PLXNA1: variants seen among roughly 807,000 people sequenced by gnomAD.
PLXNA1 encodes the protein plexin-A1.
PLXNA1 carries 77 observed loss-of-function variants against 191.7 expected under a neutral mutation model. The ratio of observed to expected loss-of-function variants is 0.40; its 90% CI spans 0.33 to 0.49. The LOEUF is 0.49. Among genes scored for constraint, PLXNA1 ranks in the 20% least tolerant of loss-of-function variants. The pLI, the probability that PLXNA1 is intolerant of heterozygous loss-of-function variation, is 0.63. For missense variants in PLXNA1, 2,110 were observed against 2,660.2 expected (o/e 0.79, Z 4.55); for synonymous variants, 1,137 against 1,156.4 (o/e 0.98, Z 0.34).
In PLXNA1 at chr3:127,014,508, G is replaced by T; in HGVS notation, c.2635G>T (p.Gly879Cys). Reference protein sequence around the residue: ...LSPETGPRQGGTRLTITGENL... With the variant: ...LSPETGPRQGCTRLTITGENL... The stretch of plus-strand genomic sequence containing the variant: ...CCCCGAGACGGGCCCGAGGCAGGGC[G>T]GCACGCGGCTCACTATCACAGGCGA... Residue 879 changes from glycine (G) to cysteine (C), a missense_variant, in exon 13 of 32, where the codon GGC becomes TGC. This residue lies in a region of PLXNA1 where 644 missense variants were observed against 714.3 expected (regional missense o/e 0.90). Coordinates refer to ENST00000393409, the MANE Select transcript of PLXNA1 (RefSeq NM_032242.4). 1 of 1,606,778 alleles carries T rather than the reference G, an allele frequency of 6.2e-7. No individual in the cohort carries two copies.
At chr3:126,986,167 A>G (rs777824872) in intron 1 of PLXNA1, among the ~76,000 whole-genome samples, 29 of 152,200 alleles carry the variant, frequency 1.9e-4, no homozygotes, top group Non-Finnish European at 3.5e-4. Flanking sequence ...GCCTGCTTTG[A>G]ACTGATAAAC....
intron 29 of PLXNA1, among the ~76,000 whole-genome samples, chr3:127,031,472 G>A (rs532178189): frequency 6.6e-6 from 1 of 152,206 alleles, no homozygotes; most frequent in East Asian, 1.9e-4. Context: ...CCTCCTCACC[G>A]TGCATCCTGC....
chr3:126,987,538 C>T (rs189919770), intron 1 of PLXNA1, among the ~76,000 whole-genome samples: 3 of 151,766 alleles, frequency 2.0e-5, no homozygotes, highest in South Asian at 2.1e-4. Context: ...AGTGAGGGCC[C>T]GATGTGGAGC....
chr3:126,983,694 G>C (rs1028346429), intron 1 of PLXNA1, among the ~76,000 whole-genome samples: 91 of 151,462 alleles, frequency 6.0e-4, no homozygotes, highest in African/African-American at 2.1e-3. Flanking sequence ...CGGAGGCTGG[G>C]GAGAAAGTTT....
chr3:127,014,379 G>A lies in PLXNA1; in HGVS notation c.2604+4G>A. 1 of 1,586,644 alleles carries A rather than the reference G, an allele frequency of 6.3e-7. No individual in the cohort carries two copies. Among genetic ancestry groups the A allele is most frequent in the East Asian group, 2.3e-5 (1 of 44,210 alleles). ...CACCGACCCCAAGATCCTCAAGGTA[G>A]GGCCCCCAGCCCTGCCCCCACACCC... is the stretch of plus-strand genomic sequence containing the variant. On this transcript the variant is annotated splice_donor_region_variant and intron_variant, in intron 12 of 31. Coordinates refer to ENST00000393409, the MANE Select transcript of PLXNA1 (RefSeq NM_032242.4).
intron 3 of PLXNA1, among the ~76,000 whole-genome samples, chr3:126,999,429 C>T (rs1312152531): frequency 6.6e-6 from 1 of 152,198 alleles, no homozygotes; most frequent in Non-Finnish European, 1.5e-5. Flanking sequence ...GGGCCAGGCC[C>T]CTGGCTGCCA....
At chr3:126,999,908 T>C (rs2079031648) in intron 3 of PLXNA1, among the ~76,000 whole-genome samples, 1 of 151,988 alleles carries the variant, frequency 6.6e-6, no homozygotes, top group Non-Finnish European at 1.5e-5. Flanking sequence ...CGGTCTCGGC[T>C]CCGAGCCCAG....
At position 126,991,586 on chromosome 3, in the gene PLXNA1, G is replaced by GGGTGA. The variant is rs754793932; in HGVS notation, c.1377+23_1377+27dup. 2 of 1,541,950 alleles carry GGGTGA rather than the reference G, an allele frequency of 1.3e-6. No homozygotes were observed. Among genetic ancestry groups the GGGTGA allele is most frequent in the Non-Finnish European group, 1.8e-6 (2 of 1,139,760 alleles). ...CGCAAGGTCAGGCCTGGGTGGGGTG[G>GGGTGA]GGTGAGGAGGGGGCTTGGGGCAGGA... On this transcript the variant is annotated intron_variant, in intron 3 of 31. Coordinates refer to ENST00000393409, the MANE Select transcript of PLXNA1 (RefSeq NM_032242.4).
At chr3:127,023,863 G>A (rs1390672505) in intron 23 of PLXNA1, among the ~76,000 whole-genome samples, 1 of 152,140 alleles carries the variant, frequency 6.6e-6, no homozygotes, top group East Asian at 1.9e-4. Flanking sequence ...AGGGAAGAGA[G>A]TCCCAGGCAG....
In PLXNA1 at chr3:127,015,212, C is replaced by T. The variant is rs772912368; in HGVS notation, c.2906C>T (p.Ser969Phe). The stretch of plus-strand genomic sequence containing the variant: ...CCAACCTTCTACCGTGTGAGCCCCT[C>T]CCGTGGGCCTCTGTCAGGGGGCACC... ...VTPTFYRVSPSRGPLSGGTWI... is the reference protein window; with the variant it reads ...VTPTFYRVSPFRGPLSGGTWI... Residue 969 changes from serine to phenylalanine, a missense_variant, in exon 15 of 32, where the codon TCC becomes TTC. By Grantham distance (155) the Ser-to-Phe change is radical. Coordinates refer to ENST00000393409, the MANE Select transcript of PLXNA1 (RefSeq NM_032242.4). 1.9e-6 allele frequency: 3 copies of T among 1,613,442 alleles called. No homozygotes were observed. The South Asian group carries it at 3.3e-5, about 18-fold the overall frequency.
intron 4 of PLXNA1, 93 bp downstream of exon 4, chr3:127,003,563 A>G (rs2079051501): frequency 7.2e-7 from 1 of 1,389,814 alleles, no homozygotes; most frequent in Non-Finnish European, 9.6e-7. Context: ...GGGCCACATC[A>G]CAAGTTGGGC....
chr3:126,990,060 C>T (rs1343065263), intron 2 of PLXNA1, among the ~76,000 whole-genome samples: 1 of 152,260 alleles, frequency 6.6e-6, no homozygotes, highest in African/African-American at 2.4e-5. Context: ...GCATAGTCCA[C>T]AGCCCCTGTG....
rs1197853642 is a variant in PLXNA1 at position 126,989,738 on chromosome 3, A to C, written c.1145A>C (p.Lys382Thr). 1 of 1,612,862 alleles carries C rather than the reference A, an allele frequency of 6.2e-7. No individual in the cohort carries two copies. The highest frequency in any genetic ancestry group is 1.1e-5 in the South Asian group (1 of 91,046). The change falls in exon 2 of 32, where the codon AAG becomes ACG. Residue 382 changes from lysine (K) to threonine (T), a missense_variant. Transcript: ENST00000393409. ...CAGTCCTGCTACCGTGGTGAGGGCAAGCTCTCCCTGCCGTGGCTGCTCAAC... is the reference window on the plus strand; with the variant it reads ...CAGTCCTGCTACCGTGGTGAGGGCACGCTCTCCCTGCCGTGGCTGCTCAAC... ...RIQSCYRGEG[K>T]LSLPWLLNKE...
chr3:126,990,080 A>G (rs1263011131), intron 2 of PLXNA1, among the ~76,000 whole-genome samples: 1 of 152,220 alleles, frequency 6.6e-6, no homozygotes, highest in East Asian at 1.9e-4. Context: ...GGGACACTGG[A>G]CAGAGTGCCA....
chr3:127,014,070 C>T lies in PLXNA1; in HGVS notation c.2364C>T (p.Val788=), dbSNP rs767221485. The change falls in exon 11 of 32, where the codon GTC becomes GTT. Residue 788 remains valine, a synonymous_variant. Transcript: ENST00000393409. ...GCGACCTGCCAGTGAACCTGTCAGT[C>T]GTGTGGAACGGCAACTTTGTCATTG... ...DVSDLPVNLS[V]VWNGNFVIDN... is the part of the protein sequence containing the mutation. 6.2e-6 allele frequency: 10 copies of T among 1,613,864 alleles called. No homozygotes were observed. The highest frequency in any genetic ancestry group is 4.4e-5 in the South Asian group (4 of 91,078).
chr3:126,988,826 T>G lies in PLXNA1; in HGVS notation c.233T>G (p.Leu78Arg). The change falls in exon 2 of 32, where the codon CTG becomes CGG. Residue 78 changes from leucine to arginine, a missense_variant. This residue lies in a region of PLXNA1 where 903 missense variants were observed against 1,015.7 expected (regional missense o/e 0.89). Transcript: ENST00000393409. ...CGCATCTATAAGCTGTCGGGGAACCTGACACTGCTGCGGGCCCACGTCACG... is the reference window on the plus strand; with the variant it reads ...CGCATCTATAAGCTGTCGGGGAACCGGACACTGCTGCGGGCCCACGTCACG... ...VNRIYKLSGN[L>R]TLLRAHVTGP... The G allele has an allele frequency of 6.2e-7, 1 of 1,613,426 alleles. No individual in the cohort carries two copies. Among genetic ancestry groups the G allele is most frequent in the Non-Finnish European group, 8.5e-7 (1 of 1,179,972 alleles).
intron 26 of PLXNA1, 34 bp downstream of exon 26, chr3:127,029,130 T>A (rs1321934930): frequency 6.5e-7 from 1 of 1,533,686 alleles, no homozygotes; most frequent in East Asian, 2.3e-5. Context: ...AGCACAGGCC[T>A]CCCTCCCCTT....
At chr3:127,011,030 C>T (rs1355310716) in intron 9 of PLXNA1, among the ~76,000 whole-genome samples, 26 of 152,204 alleles carry the variant, frequency 1.7e-4, no homozygotes, top group Admixed American at 1.6e-3. Context: ...GCCCGTGTCA[C>T]GGTGAGACTC....
At position 127,016,597 on chromosome 3, in the gene PLXNA1, G is replaced by A. The variant is rs369900614; in HGVS notation, c.3095G>A (p.Arg1032His). 15 of 1,613,830 alleles carry A rather than the reference G, an allele frequency of 9.3e-6. No homozygotes were observed. The highest frequency in any genetic ancestry group is 3.3e-4 in the Middle Eastern group (2 of 6,082). ...GCTCCCATCATCATCAACATCAACC[G>A]CGCCCAGCTCACCAACCCTGAGGTG... ...GSAPIIININ[R>H]AQLTNPEVKY... Residue 1032 changes from arginine to histidine, a missense_variant, in exon 16 of 32, where the codon CGC (arginine) becomes CAC (histidine). This residue lies in a region of PLXNA1 where 644 missense variants were observed against 714.3 expected (regional missense o/e 0.90). Coordinates refer to ENST00000393409, the MANE Select transcript of PLXNA1 (RefSeq NM_032242.4).
Sources: allele counts gnomAD v4.1 joint callset (sites outside exome capture counted in the v4.1 genomes callset), GRCh38; gene constraint gnomAD v4.1.1; regional missense constraint gnomAD v4.1.1; transcripts MANE v1.5; gene names NCBI Gene and HGNC (gene_info 2026-07-23, HGNC 2026-07-21).